The following ULK4 variants were observed in gnomAD, a reference collection of about 807,000 sequenced individuals.
The protein encoded by ULK4 is unc-51 like kinase 4, also known as inactive serine/threonine-protein kinase ULK4.
In ULK4, 133 loss-of-function variants were observed where a neutral mutation model predicts 160.6. The ratio of observed to expected loss-of-function variants is 0.83; its 90% CI spans 0.72 to 0.96. The LOEUF is 0.96. Among genes scored for constraint, ULK4 ranks in the 40% least tolerant of loss-of-function variants. The pLI, the probability that ULK4 is intolerant of heterozygous loss-of-function variation, is 0.00. For missense variants in ULK4, 1,580 were observed against 1,499.5 expected (o/e 1.05, Z -0.89); for synonymous variants, 534 against 539.8 (o/e 0.99, Z 0.15).
chr3:41,567,488 G>C (rs368391887), intron 31 of ULK4, among the ~76,000 whole-genome samples: 10 of 124,526 alleles, frequency 8.0e-5, no homozygotes, highest in African/African-American at 3.0e-4. Flanking sequence ...TCGCTCTGTC[G>C]CCAGGCTGGA....
chr3:41,653,847 A>C (rs964919407), intron 30 of ULK4, among the ~76,000 whole-genome samples: 1 of 152,230 alleles, frequency 6.6e-6, no homozygotes, highest in Non-Finnish European at 1.5e-5. Flanking sequence ...GGGAAAGTTT[A>C]CAGACCTTAG....
At chr3:41,385,894 C>CT (rs1253996753) in intron 35 of ULK4, among the ~76,000 whole-genome samples, 1 of 152,206 alleles carries the variant, frequency 6.6e-6, no homozygotes, top group Non-Finnish European at 1.5e-5. Context: ...TTCTATTCCA[C>CT]TAAGCTGACT....
At chr3:41,705,174 T>C (rs755512221) in intron 26 of ULK4, 23 bp from the exon 27 acceptor site, 42 of 1,608,914 alleles carry the variant, frequency 2.6e-5, no homozygotes, top group Middle Eastern at 1.6e-4. Context: ...TTAATTATTA[T>C]AGGTGTTTAT....
intron 16 of ULK4, among the ~76,000 whole-genome samples, chr3:41,891,404 A>G (rs561344488): frequency 6.6e-6 from 1 of 151,212 alleles, no homozygotes; most frequent in African/African-American, 2.4e-5. Flanking sequence ...TAGTAAAAAG[A>G]GATTCCTAGA....
intron 35 of ULK4, among the ~76,000 whole-genome samples, chr3:41,380,364 G>A (rs2081620059): frequency 6.6e-6 from 1 of 152,182 alleles, no homozygotes; most frequent in South Asian, 2.1e-4. Context: ...TTTTGATAAT[G>A]TGAAAGATGA....
chr3:41,545,688 C>G (rs2086836201), intron 32 of ULK4, among the ~76,000 whole-genome samples: 1 of 152,102 alleles, frequency 6.6e-6, no homozygotes, highest in African/African-American at 2.4e-5. Flanking sequence ...TTGTGAAGAT[C>G]TTGGCCATTA....
rs1352434168 is a variant in ULK4 at position 41,339,238 on chromosome 3, GGGCCTGCACCAGCA to G, written c.3678+58827_3678+58840del. 3.3e-5 allele frequency among the ~76,000 whole-genome samples: 5 copies of G among 152,132 alleles called. No individual in the cohort carries two copies. In the East Asian group the frequency reaches 5.9e-4, roughly 18 times the overall value. The stretch of plus-strand genomic sequence containing the variant: ...TTTTCTGGTCTTCACCCCTGTCCAG[GGGCCTGCACCAGCA>G]GCTCGCAGCAGGACTGCGCTCAGCC... On this transcript the variant is annotated intron_variant, in intron 35 of 36. Coordinates refer to ENST00000301831, the MANE Select transcript of ULK4 (RefSeq NM_017886.4).
At chr3:41,581,563 A>T (rs1449160062) in intron 31 of ULK4, among the ~76,000 whole-genome samples, 1 of 152,036 alleles carries the variant, frequency 6.6e-6, no homozygotes, top group Non-Finnish European at 1.5e-5. Flanking sequence ...GAAAAAAGTT[A>T]AAAAAAATAA....
At chr3:41,362,008 G>A (rs76057861) in intron 35 of ULK4, among the ~76,000 whole-genome samples, 1,812 of 152,278 alleles carry the variant, frequency 0.012, 17 homozygotes, top group Non-Finnish European at 0.02. Flanking sequence ...TTTGTGGAGG[G>A]AAGAGTTTTG....
chr3:41,592,815 C>T (rs528304841), intron 31 of ULK4, among the ~76,000 whole-genome samples: 2 of 152,116 alleles, frequency 1.3e-5, no homozygotes, highest in Non-Finnish European at 2.9e-5. Flanking sequence ...CTTATCTATG[C>T]CTTGGGGAAC....
chr3:41,270,712 GTCC>G (rs2079124888), intron 35 of ULK4, among the ~76,000 whole-genome samples: 1 of 152,124 alleles, frequency 6.6e-6, no homozygotes, highest in Non-Finnish European at 1.5e-5. Flanking sequence ...TACTACTAAT[GTCC>G]TCATTTTATA....
chr3:41,594,926 A>AGGCGG (rs2031590730), intron 31 of ULK4, among the ~76,000 whole-genome samples: 1 of 152,014 alleles, frequency 6.6e-6, no homozygotes, highest in Non-Finnish European at 1.5e-5. Flanking sequence ...AGGAGAAGAA[A>AGGCGG]GGCCGATCCC....
At chr3:41,772,620 C>T (rs1386340848) in intron 21 of ULK4, among the ~76,000 whole-genome samples, 1 of 151,960 alleles carries the variant, frequency 6.6e-6, no homozygotes, top group Admixed American at 6.6e-5. Context: ...GATGGATTCA[C>T]AGCCGAATTC....
chr3:41,678,198 ACAC>A, intron 29 of ULK4, among the ~76,000 whole-genome samples: 1 of 150,516 alleles, frequency 6.6e-6, no homozygotes, highest in Non-Finnish European at 1.5e-5. Flanking sequence ...ACACACACAC[ACAC>A]ACACACACAC....
rs548031574 is a variant in ULK4, at chr3:41,578,925, G to C, written c.3121-12795C>G. On this transcript the variant is annotated intron_variant, in intron 31 of 36. Transcript: ENST00000301831. ...AATTTCTTCAGTCAAGCTAGGTTGA[G>C]AGTTTCCCTAAGGGCCTTGAGAAAT... 5.9e-5 allele frequency among the ~76,000 whole-genome samples: 9 copies of C among 152,292 alleles called. No homozygotes were observed. The East Asian group carries it at 1.7e-3, about 29-fold the overall frequency.
At chr3:41,803,575 G>A (rs2040536000) in intron 19 of ULK4, among the ~76,000 whole-genome samples, 1 of 152,068 alleles carries the variant, frequency 6.6e-6, no homozygotes, top group African/African-American at 2.4e-5. Flanking sequence ...ATGCTGGTGT[G>A]CTGCACCCAT....
chr3:41,747,288 C>G (rs528021097), intron 22 of ULK4, among the ~76,000 whole-genome samples: 1 of 151,990 alleles, frequency 6.6e-6, no homozygotes, highest in African/African-American at 2.4e-5. Context: ...ATAAAGAACT[C>G]TCGAAATTCC....
At chr3:41,513,911 A>C (rs192466631) in intron 32 of ULK4, among the ~76,000 whole-genome samples, 3 of 152,246 alleles carry the variant, frequency 2.0e-5, no homozygotes, top group Admixed American at 2.0e-4. Flanking sequence ...ATCACCACTA[A>C]AGAACGTATT....
intron 21 of ULK4, among the ~76,000 whole-genome samples, chr3:41,783,933 A>C (rs529997024): frequency 2.0e-4 from 30 of 152,322 alleles, no homozygotes; most frequent in Non-Finnish European, 2.6e-4. Flanking sequence ...CTACAAAGTA[A>C]ACTAGAAAAA....
Sources: gnomAD v4.1 joint callset for allele counts (sites outside exome capture counted in the v4.1 genomes callset) on GRCh38, gnomAD v4.1.1 for gene constraint, MANE v1.5 for transcripts, NCBI Gene and HGNC (gene_info 2026-07-23, HGNC 2026-07-21) for gene names.